Variants in PRKCA observed in about 807,000 individuals in gnomAD.
PRKCA encodes the protein protein kinase C alpha type.
In PRKCA, 27 loss-of-function variants were observed where a neutral mutation model predicts 87.0. The ratio of observed to expected loss-of-function variants is 0.31; its 90% CI spans 0.23 to 0.43. The LOEUF (loss-of-function observed/expected upper bound fraction) is 0.43, where lower values mean the gene tolerates loss of function less well. Ranked by LOEUF, PRKCA falls within the 20% of genes least tolerant of loss-of-function variation. PRKCA has a pLI of 1.00. For missense variants in PRKCA, 518 were observed against 852.3 expected (o/e 0.61, Z 4.88); for synonymous variants, 329 against 311.1 (o/e 1.06, Z -0.61).
At chr17:66,451,384 A>AT (rs1204601349) in intron 2 of PRKCA, among the ~76,000 whole-genome samples, 3 of 150,314 alleles carry the variant, frequency 2.0e-5, no homozygotes, top group African/African-American at 7.3e-5. Context: ...TTATTTATTT[A>AT]TTACCTAAAA....
At chr17:66,351,021 G>A (rs1907711705) in intron 2 of PRKCA, among the ~76,000 whole-genome samples, 1 of 152,194 alleles carries the variant, frequency 6.6e-6, no homozygotes, top group South Asian at 2.1e-4. Context: ...AATTGTCTGT[G>A]TGCCAGTTTC....
At chr17:66,680,008 A>G (rs1038589487) in intron 5 of PRKCA, among the ~76,000 whole-genome samples, 1 of 152,184 alleles carries the variant, frequency 6.6e-6, no homozygotes. Flanking sequence ...TTATCAAAAT[A>G]ATGAATTCTC....
chr17:66,724,077 T>G (rs1209979059), intron 8 of PRKCA, among the ~76,000 whole-genome samples: 10 of 152,112 alleles, frequency 6.6e-5, no homozygotes, highest in Non-Finnish European at 1.5e-5. Context: ...CCAAAGATTT[T>G]GTTTAAAATG....
At chr17:66,782,591 C>T (rs148613720) in intron 14 of PRKCA, among the ~76,000 whole-genome samples, 6 of 152,344 alleles carry the variant, frequency 3.9e-5, no homozygotes, top group African/African-American at 1.4e-4. Flanking sequence ...GCCAGTCGCT[C>T]TCTACGGGAT....
intron 3 of PRKCA, among the ~76,000 whole-genome samples, chr17:66,553,109 G>T (rs934585351): frequency 6.6e-6 from 1 of 151,948 alleles, no homozygotes; most frequent in Non-Finnish European, 1.5e-5. Flanking sequence ...AGCCTCCCAG[G>T]TAGCTGGGAC....
intron 3 of PRKCA, among the ~76,000 whole-genome samples, chr17:66,510,614 C>T (rs1917182492): frequency 6.6e-6 from 1 of 152,206 alleles, no homozygotes; most frequent in Non-Finnish European, 1.5e-5. Flanking sequence ...CACTGCCTTT[C>T]TGGGTATATT....
intron 3 of PRKCA, among the ~76,000 whole-genome samples, chr17:66,564,936 C>T (rs557294908): frequency 6.6e-6 from 1 of 152,188 alleles, no homozygotes; most frequent in African/African-American, 2.4e-5. Context: ...GCCAAGATCA[C>T]GCCACTGCAC....
At chr17:66,357,052 G>T (rs577984763) in intron 2 of PRKCA, among the ~76,000 whole-genome samples, 61 of 152,282 alleles carry the variant, frequency 4.0e-4, no homozygotes, top group Non-Finnish European at 7.4e-4. Flanking sequence ...GAGCCACCAC[G>T]CCCAGCCAAA....
At chr17:66,764,493 G>A (rs896907187) in intron 13 of PRKCA, among the ~76,000 whole-genome samples, 23 of 152,258 alleles carry the variant, frequency 1.5e-4, no homozygotes, top group East Asian at 7.7e-4. Context: ...TCCTGTGCCC[G>A]GGCTGGAAGA....
At chr17:66,496,707 G>T (rs1916492747) in intron 3 of PRKCA, among the ~76,000 whole-genome samples, 2 of 138,444 alleles carry the variant, frequency 1.4e-5, no homozygotes, top group South Asian at 5.2e-4. Flanking sequence ...GCAGTGGCAC[G>T]ATCTCAGCTC....
At chr17:66,653,893 T>C (rs572499793) in intron 5 of PRKCA, among the ~76,000 whole-genome samples, 2 of 151,386 alleles carry the variant, frequency 1.3e-5, no homozygotes, top group South Asian at 4.2e-4. Flanking sequence ...GAAAAGTCCA[T>C]AATAAGAGGG....
chr17:66,548,803 G>A (rs900561026), intron 3 of PRKCA, among the ~76,000 whole-genome samples: 14 of 104,244 alleles, frequency 1.3e-4, no homozygotes, highest in East Asian at 7.6e-4. Context: ...AATACGTTTC[G>A]GCAAGTTTTT....
chr17:66,487,121 C>T (rs1476863314), intron 2 of PRKCA, among the ~76,000 whole-genome samples: 1 of 152,172 alleles, frequency 6.6e-6, no homozygotes, highest in African/African-American at 2.4e-5. Flanking sequence ...CTATCGATTA[C>T]TAGAACTTAT....
At chr17:66,306,270 C>T in intron 2 of PRKCA, 143 bp downstream of exon 2, 1 of 830,414 alleles carries the variant, frequency 1.2e-6, no homozygotes, top group Non-Finnish European at 1.8e-6. Context: ...TAAATTTGGG[C>T]CTTAAAAAAT....
intron 14 of PRKCA, chr17:66,775,121 G>A (rs1489778892): frequency 1.8e-5 from 18 of 985,168 alleles, no homozygotes; most frequent in Non-Finnish European, 1.9e-5. Context: ...CTACAAGATG[G>A]TGGTGCTGAT....
intron 13 of PRKCA, among the ~76,000 whole-genome samples, chr17:66,747,251 G>T (rs562042055): frequency 6.6e-6 from 1 of 152,214 alleles, no homozygotes; most frequent in South Asian, 2.1e-4. Context: ...AAAAAATTTT[G>T]TAGGGATGGG....
At chr17:66,539,071 A>G (rs762944220) in intron 3 of PRKCA, among the ~76,000 whole-genome samples, 82 of 152,340 alleles carry the variant, frequency 5.4e-4, no homozygotes, top group Non-Finnish European at 4.9e-4. Flanking sequence ...AACACTTACC[A>G]AAGCTCATCT....
chr17:66,461,207 A>AC (rs1447088322), intron 2 of PRKCA, among the ~76,000 whole-genome samples: 4 of 131,614 alleles, frequency 3.0e-5, no homozygotes, highest in Non-Finnish European at 6.0e-5. Context: ...CCCCATCTCA[A>AC]AAAAAAAAAA....
At chr17:66,447,277 G>A (rs1914080912) in intron 2 of PRKCA, among the ~76,000 whole-genome samples, 1 of 152,108 alleles carries the variant, frequency 6.6e-6, no homozygotes, top group South Asian at 2.1e-4. Flanking sequence ...AGTGATTTTT[G>A]TAGTCCCAAT....
Sources: allele counts gnomAD v4.1 joint callset (sites outside exome capture counted in the v4.1 genomes callset), GRCh38; gene constraint gnomAD v4.1.1; transcripts MANE v1.5; gene names NCBI Gene and HGNC (gene_info 2026-07-23, HGNC 2026-07-21).